WWOX: variants seen among roughly 807,000 people sequenced by gnomAD.
WWOX encodes the protein WW domain containing oxidoreductase.
WWOX carries 69 observed loss-of-function variants against 46.2 expected under a neutral mutation model. The ratio of observed to expected loss-of-function variants is 1.49; its 90% CI spans 1.23 to 1.82. WWOX has a LOEUF of 1.82. Among genes scored for constraint, WWOX ranks in the 40% most tolerant of loss-of-function variants. The pLI, the probability that WWOX is intolerant of heterozygous loss-of-function variation, is 0.00. For missense variants in WWOX, 919 were observed against 542.6 expected (o/e 1.69, Z -6.89); for synonymous variants, 359 against 202.6 (o/e 1.77, Z -6.56).
chr16:78,765,177 G>C (rs564021339), intron 8 of WWOX, among the ~76,000 whole-genome samples: 1 of 152,212 alleles, frequency 6.6e-6, no homozygotes, highest in Admixed American at 6.5e-5. Context: ...TGTGGGGATT[G>C]GGGTGGGATA....
chr16:78,619,421 C>G (rs980614791), intron 8 of WWOX, among the ~76,000 whole-genome samples: 1 of 145,170 alleles, frequency 6.9e-6, no homozygotes, highest in East Asian at 2.1e-4. Context: ...AGGTGTATAT[C>G]TCAACAAATT....
At chr16:78,114,819 G>T (rs1414688055) in intron 3 of WWOX, among the ~76,000 whole-genome samples, 157 bp from the exon 4 acceptor site, 1 of 152,106 alleles carries the variant, frequency 6.6e-6, no homozygotes, top group Non-Finnish European at 1.5e-5. Flanking sequence ...CCTTCTGGAG[G>T]CCAGAAGATA....
chr16:78,522,140 C>T (rs2015358632), intron 8 of WWOX, among the ~76,000 whole-genome samples: 2 of 126,826 alleles, frequency 1.6e-5, no homozygotes, highest in Admixed American at 7.8e-5. Flanking sequence ...TGATGGAAGG[C>T]TTTAAAAAAA....
At chr16:78,647,935 C>A (rs1253920119) in intron 8 of WWOX, among the ~76,000 whole-genome samples, 2 of 152,200 alleles carry the variant, frequency 1.3e-5, no homozygotes, top group Non-Finnish European at 2.9e-5. Context: ...TAGTAATCAA[C>A]TTTGCCAAAA....
chr16:78,603,636 G>A (rs761945615), intron 8 of WWOX, among the ~76,000 whole-genome samples: 9 of 152,192 alleles, frequency 5.9e-5, no homozygotes, highest in Non-Finnish European at 1.0e-4. Flanking sequence ...GGAGGTTGCA[G>A]TGAACTAAGA....
chr16:78,656,282 G>T (rs1243832459), intron 8 of WWOX, among the ~76,000 whole-genome samples: 1 of 151,794 alleles, frequency 6.6e-6, no homozygotes, highest in Non-Finnish European at 1.5e-5. Flanking sequence ...GCCTTTTTTG[G>T]GATCACCCAC....
chr16:78,858,797 G>C (rs1306461148), intron 8 of WWOX, among the ~76,000 whole-genome samples: 1 of 151,338 alleles, frequency 6.6e-6, no homozygotes, highest in Non-Finnish European at 1.5e-5. Flanking sequence ...TCCCATCTCA[G>C]CCTCCTCAGT....
At chr16:79,152,095 G>A (rs939659885) in intron 8 of WWOX, among the ~76,000 whole-genome samples, 1 of 152,190 alleles carries the variant, frequency 6.6e-6, no homozygotes, top group African/African-American at 2.4e-5. Context: ...ATACTATTGA[G>A]AAGTTTATCC....
At chr16:78,281,293 A>G (rs913421465) in intron 5 of WWOX, among the ~76,000 whole-genome samples, 2 of 152,198 alleles carry the variant, frequency 1.3e-5, no homozygotes, top group Non-Finnish European at 2.9e-5. Context: ...CATTACGGAC[A>G]TGTTTCAACA....
intron 5 of WWOX, among the ~76,000 whole-genome samples, chr16:78,206,301 C>T (rs2036394115): frequency 1.3e-5 from 2 of 151,430 alleles, no homozygotes; most frequent in South Asian, 2.1e-4. Flanking sequence ...CTTTATTTCT[C>T]GTTAAATGTC....
Position 78,432,475 on chromosome 16 carries a change from T to A in WWOX, c.792-13T>A. 1 of 1,613,652 alleles carries A rather than the reference T, an allele frequency of 6.2e-7. No homozygotes were observed. The highest frequency in any genetic ancestry group is 1.1e-5 in the South Asian group (1 of 91,080). ...GAACTTGGTTGCTTCATGTCATATT[T>A]CCTATTTTTAAGATTTACAGATATT... On this transcript the variant is annotated splice_polypyrimidine_tract_variant and intron_variant, in intron 7 of 8. Coordinates refer to ENST00000566780, the MANE Select transcript of WWOX (RefSeq NM_016373.4).
At chr16:78,554,905 G>A (rs184612813) in intron 8 of WWOX, among the ~76,000 whole-genome samples, 1 of 152,106 alleles carries the variant, frequency 6.6e-6, no homozygotes, top group African/African-American at 2.4e-5. Context: ...CACAAAGACT[G>A]TAAGCCTTAC....
chr16:78,772,789 CAGG>C (rs774530924), intron 8 of WWOX, among the ~76,000 whole-genome samples: 1 of 152,072 alleles, frequency 6.6e-6, no homozygotes, highest in Non-Finnish European at 1.5e-5. Context: ...GGGGCTTAGG[CAGG>C]AGGATTGCTT....
intron 8 of WWOX, among the ~76,000 whole-genome samples, chr16:78,620,423 A>C (rs2046149446): frequency 6.6e-6 from 1 of 152,178 alleles, no homozygotes; most frequent in Non-Finnish European, 1.5e-5. Context: ...GGAAAAAACC[A>C]TGGTGCTTGG....
intron 6 of WWOX, among the ~76,000 whole-genome samples, chr16:78,415,261 A>G (rs1359284666): frequency 6.6e-6 from 1 of 152,064 alleles, no homozygotes; most frequent in Non-Finnish European, 1.5e-5. Context: ...GTACACTGTC[A>G]TGGTGCTGGT....
chr16:78,250,205 A>G (rs1029289245), intron 5 of WWOX, among the ~76,000 whole-genome samples: 16 of 152,242 alleles, frequency 1.1e-4, no homozygotes, highest in Middle Eastern at 6.8e-3. Context: ...ACACACACAG[A>G]TCATTTCTTT....
chr16:78,331,821 C>CGGACAAAAAGACA (rs2080764463), intron 5 of WWOX, among the ~76,000 whole-genome samples: 1 of 152,146 alleles, frequency 6.6e-6, no homozygotes, highest in African/African-American at 2.4e-5. Context: ...GCATTCATTG[C>CGGACAAAAAGACA]TTTATTTAAT....
At chr16:78,729,028 C>G (rs1480630052) in intron 8 of WWOX, among the ~76,000 whole-genome samples, 1 of 152,062 alleles carries the variant, frequency 6.6e-6, no homozygotes, top group African/African-American at 2.4e-5. Context: ...CTAAAGATAT[C>G]CCGCCCCACC....
At chr16:78,754,650 A>T (rs548688918) in intron 8 of WWOX, among the ~76,000 whole-genome samples, 1 of 152,312 alleles carries the variant, frequency 6.6e-6, no homozygotes, top group African/African-American at 2.4e-5. Flanking sequence ...GGGCATTTTA[A>T]TTAGCAAGTA....
Sources: gnomAD v4.1 joint callset for allele counts (sites outside exome capture counted in the v4.1 genomes callset) on GRCh38, gnomAD v4.1.1 for gene constraint, MANE v1.5 for transcripts, NCBI Gene and HGNC (gene_info 2026-07-23, HGNC 2026-07-21) for gene names.